The following SELP variants were observed in gnomAD, a reference collection of about 807,000 sequenced individuals.
SELP encodes selectin P.
Under a neutral mutation model 104.1 loss-of-function variants are expected in SELP, and 92 were observed. The observed-to-expected ratio is 0.88, with a 90% CI of 0.75 to 1.05. SELP has a LOEUF of 1.05. Ranked by LOEUF, SELP falls within the 50% of genes least tolerant of loss-of-function variation. SELP has a pLI of 0.00. For synonymous variants in SELP, 397 were observed against 364.5 expected (o/e 1.09, Z -1.01); for missense variants, 1,022 against 1,017.3 (o/e 1.00, Z -0.06).
intron 10 of SELP, among the ~76,000 whole-genome samples, chr1:169,602,051 AG>A (rs913156427): frequency 2.0e-5 from 3 of 152,134 alleles, no homozygotes; most frequent in Admixed American, 2.0e-4. Context: ...CAGATGTCTC[AG>A]GGGAATTAAA....
rs1662242040 is a variant in SELP, at chr1:169,607,105, T to G, written c.1363A>C (p.Asn455His). 1 of 1,604,588 alleles carries G rather than the reference T, an allele frequency of 6.2e-7. No homozygotes were observed. The highest frequency in any genetic ancestry group is 1.7e-5 in the Admixed American group (1 of 59,636). ...TGGGAGCAGTTCACCCGGGCCTCATTTGGAACTGGGAGATCCTGGCACTGC... is the reference window on the plus strand; with the variant it reads ...TGGGAGCAGTTCACCCGGGCCTCATGTGGAACTGGGAGATCCTGGCACTGC... Reference protein sequence around the residue: ...ALQCQDLPVPNEARVNCSHPF... With the variant: ...ALQCQDLPVPHEARVNCSHPF... Residue 455 changes from asparagine to histidine, a missense_variant, in exon 9 of 17, where the codon AAT becomes CAT. Coordinates refer to ENST00000263686, the MANE Select transcript of SELP (RefSeq NM_003005.4).
rs780055772 is a variant in SELP at position 169,588,950 on chromosome 1, C to T, written c.*513G>A. On this transcript the variant is annotated 3_prime_UTR_variant, in exon 17 of 17. Transcript: ENST00000263686. The stretch of plus-strand genomic sequence containing the variant: ...AAGGTCCACGGTGACATGTGGCCTT[C>T]TAGCTTGATTCTTGGCCTTCTGCAG... 9.2e-5 allele frequency: 14 copies of T among 152,156 alleles called. No homozygotes were observed. Among genetic ancestry groups the T allele is most frequent in the Non-Finnish European group, 2.1e-4 (14 of 68,036 alleles). 9.4% of individuals were successfully genotyped at this position (152,156 alleles called of 1,614,324 possible).
Position 169,599,510 on chromosome 1 carries a change from G to T in SELP, c.1706-2334C>A, listed in dbSNP as rs896686533. On this transcript the variant is annotated intron_variant, in intron 10 of 16. Transcript: ENST00000263686. ...TGTTCTTCTATAGTCCATCAAGAAA[G>T]TATACATGATTGCATCTGAATTCTT... is the stretch of plus-strand genomic sequence containing the variant. Among the ~76,000 whole-genome samples, 4 of 152,290 alleles carry T rather than the reference G, an allele frequency of 2.6e-5. No homozygotes were observed. The East Asian group carries it at 7.7e-4, about 29-fold the overall frequency.
At position 169,603,790 on chromosome 1, in the gene SELP, C is replaced by T. The variant is rs544078099; in HGVS notation, c.1520-579G>A. 9.9e-5 allele frequency among the ~76,000 whole-genome samples: 15 copies of T among 152,274 alleles called. No homozygotes were observed. The South Asian group carries it at 2.7e-3, about 27-fold the overall frequency. On this transcript the variant is annotated intron_variant, in intron 9 of 16. Transcript: ENST00000263686. Reference sequence around the variant, plus strand: ...TTCTGAGCCTCAGTTGCTTTATCTTCGAAATGGGAAAAAGGAAAATCCTTG... The same window carrying T: ...TTCTGAGCCTCAGTTGCTTTATCTTTGAAATGGGAAAAAGGAAAATCCTTG...
At position 169,612,266 on chromosome 1, in the gene SELP, C is replaced by T; in HGVS notation, c.912G>A (p.Val304=). 6.2e-7 allele frequency: 1 copy of T among 1,614,146 alleles called. No homozygotes were observed. The highest frequency in any genetic ancestry group is 8.5e-7 in the Non-Finnish European group (1 of 1,180,002). The change falls in exon 6 of 17, where the codon GTG becomes GTA. Residue 304 remains valine, a synonymous_variant. Coordinates refer to ENST00000263686, the MANE Select transcript of SELP (RefSeq NM_003005.4). The part of the protein sequence containing the change: ...EGFALVGPEV[V]QCTASGVWTA... ...TCCATACCCCCGAGGCTGTGCATTG[C>T]ACCACTTCCGGTCCAACTAATGCAA...
At chr1:169,616,179 C>T (rs1286859952) in intron 3 of SELP, among the ~76,000 whole-genome samples, 1 of 152,174 alleles carries the variant, frequency 6.6e-6, no homozygotes, top group Non-Finnish European at 1.5e-5. Context: ...TTACTTCTTT[C>T]CTTTCCTGCC....
chr1:169,602,661 G>C (rs1361021442), intron 10 of SELP, among the ~76,000 whole-genome samples: 1 of 152,068 alleles, frequency 6.6e-6, no homozygotes, highest in Non-Finnish European at 1.5e-5. Flanking sequence ...CACCAGGCTG[G>C]AGTGCAATGG....
Position 169,595,991 on chromosome 1 carries a change from T to C in SELP, c.2035A>G (p.Ile679Val). The change falls in exon 12 of 17, where the codon ATA becomes GTA. Residue 679 changes from isoleucine (I) to valine (V), a missense_variant. Transcript: ENST00000263686. ...YFGCNAGFTL[I>V]GDSTLSCRPS... ...CTGCAGCTGAGAGTGCTGTCTCCTA[T>C]GAGTGTGAATCCAGCGTTGCAGCCA... 1 of 1,613,906 alleles carries C rather than the reference T, an allele frequency of 6.2e-7. No individual in the cohort carries two copies. Among genetic ancestry groups the C allele is most frequent in the Non-Finnish European group, 8.5e-7 (1 of 1,179,844 alleles).
At chr1:169,620,854 A>T (rs1234184943) in intron 1 of SELP, among the ~76,000 whole-genome samples, 1 of 110,130 alleles carries the variant, frequency 9.1e-6, no homozygotes, top group African/African-American at 3.6e-5. Flanking sequence ...GTGATGGATG[A>T]TGTAGGCTGC....
chr1:169,595,876 G>C, intron 12 of SELP, 49 bp downstream of exon 12: 1 of 1,547,872 alleles, frequency 6.5e-7, no homozygotes, highest in Non-Finnish European at 8.9e-7. Context: ...GCTAGCTTGA[G>C]TACTTGCAGG....
In SELP at chr1:169,611,544, C is replaced by T. The variant is rs149316493; in HGVS notation, c.1095G>A (p.Met365Ile). 16 of 1,613,970 alleles carry T rather than the reference C, an allele frequency of 9.9e-6. No individual in the cohort carries two copies. The highest frequency in any genetic ancestry group is 1.6e-4 in the Middle Eastern group (1 of 6,082). ...AGTGTCCAGAGTCAATGCAGCGGAGCATGTCCAAGCCCCTCACTCTGTAGC... is the reference window on the plus strand; with the variant it reads ...AGTGTCCAGAGTCAATGCAGCGGAGTATGTCCAAGCCCCTCACTCTGTAGC... ...QPGYRVRGLDMLRCIDSGHWS... is the reference protein window; with the variant it reads ...QPGYRVRGLDILRCIDSGHWS... Residue 365 changes from methionine (M) to isoleucine (I), a missense_variant, in exon 7 of 17, where the codon ATG becomes ATA. By Grantham distance (10) the Met-to-Ile change is conservative. Transcript: ENST00000263686.
Position 169,612,357 on chromosome 1 carries a change from G to A in SELP, c.821C>T (p.Thr274Ile), listed in dbSNP as rs3917724. The A allele has an allele frequency of 4.9e-3, 7,902 of 1,614,082 alleles. 377 individuals carry two copies. The African/African-American group carries it at 0.093, about 19-fold the overall frequency. ...PLKIPERGNM[T>I]CLHSAKAFQH... ...GAATGCTTTTGCAGAATGAAGGCAG[G>A]TCATGTTTCCTCGTTCAGGAATCTT... The change falls in exon 6 of 17, where the codon ACC (threonine) becomes ATC (isoleucine). Residue 274 changes from threonine (T) to isoleucine (I), a missense_variant. By Grantham distance (89) the Thr-to-Ile change is moderately conservative. Transcript: ENST00000263686.
At chr1:169,591,185 C>G (rs1661338506) in intron 15 of SELP, among the ~76,000 whole-genome samples, 1 of 152,150 alleles carries the variant, frequency 6.6e-6, no homozygotes, top group African/African-American at 2.4e-5. Flanking sequence ...CATCTACTGG[C>G]ACAGCGCCTA....
At chr1:169,603,602 T>C (rs1036367220) in intron 9 of SELP, among the ~76,000 whole-genome samples, 40 of 152,092 alleles carry the variant, frequency 2.6e-4, no homozygotes, top group Non-Finnish European at 8.8e-5. Context: ...TGATACCTTC[T>C]TCAGAAACAC....
At chr1:169,591,375 A>C (rs75943068) in intron 15 of SELP, 51 bp downstream of exon 15, 2 of 1,271,324 alleles carry the variant, frequency 1.6e-6, no homozygotes, top group Non-Finnish European at 1.1e-6. Flanking sequence ...ACAGTGAATT[A>C]TAAAGTTAAG....
Position 169,617,124 on chromosome 1 carries a change from C to A in SELP, c.385G>T (p.Glu129Ter). 1 of 1,614,034 alleles carries A rather than the reference C, an allele frequency of 6.2e-7. No individual in the cohort carries two copies. The highest frequency in any genetic ancestry group is 1.1e-5 in the South Asian group (1 of 91,070). Reference protein sequence around the residue: ...DNEPNNKRNNEDCVEIYIKSP... With the variant: ...DNEPNNKRNN ...TTGATGTATATCTCCACGCAGTCCT[C>A]GTTGTTCCTTTTGTTGTTAGGTTCA... The change falls in exon 3 of 17, where the codon GAG (glutamate) becomes TAG (stop). Residue 129 changes from glutamate (E) to a stop codon, truncating the protein, a stop_gained. Transcript: ENST00000263686. LOFTEE classifies it high-confidence loss of function.
chr1:169,625,112 T>C (rs1663313250), intron 1 of SELP, among the ~76,000 whole-genome samples: 1 of 152,186 alleles, frequency 6.6e-6, no homozygotes, highest in Non-Finnish European at 1.5e-5. Flanking sequence ...TCCAGCCCAC[T>C]GCCCGACCAT....
intron 14 of SELP, among the ~76,000 whole-genome samples, chr1:169,592,536 T>C (rs1018399774): frequency 6.6e-6 from 1 of 152,226 alleles, no homozygotes; most frequent in African/African-American, 2.4e-5. Context: ...CATTAGGTTA[T>C]AAACAAAACT....
chr1:169,596,183 C>G (rs754736469), intron 11 of SELP, 49 bp from the exon 12 acceptor site: 2 of 1,551,966 alleles, frequency 1.3e-6, no homozygotes, highest in Non-Finnish European at 1.8e-6. Flanking sequence ...TTAAAAGAAG[C>G]GTTAACAGAG....
Sources: gnomAD v4.1 joint callset for allele counts (sites outside exome capture counted in the v4.1 genomes callset) on GRCh38, gnomAD v4.1.1 for gene constraint, MANE v1.5 for transcripts, NCBI Gene and HGNC (gene_info 2026-07-23, HGNC 2026-07-21) for gene names.